The following IL15 variants were observed in gnomAD, a reference collection of about 807,000 sequenced individuals.
IL15 encodes interleukin-15.
IL15 carries 11 observed loss-of-function variants against 19.6 expected under a neutral mutation model. That is an observed-to-expected ratio of 0.56 (90% CI 0.35 to 0.93). The LOEUF (loss-of-function observed/expected upper bound fraction) is 0.93. IL15 is among the 40% of genes least tolerant of loss of function. The pLI is 0.01. For synonymous variants in IL15, 58 were observed against 59.6 expected (o/e 0.97, Z 0.12); for missense variants, 197 against 186.5 (o/e 1.06, Z -0.33).
chr4:141,711,806 T>G lies in IL15; in HGVS notation c.-99-7560T>G, dbSNP rs189600202. On this transcript the variant is annotated intron_variant, in intron 2 of 7. Transcript: ENST00000320650. ...TCTGTGGGTCTTATATTTTCTAAGA[T>G]GTGCTATGAAAGAATGTTTTTGCCC... is the stretch of plus-strand genomic sequence containing the variant. 1.4e-4 allele frequency among the ~76,000 whole-genome samples: 22 copies of G among 152,258 alleles called. No individual in the cohort carries two copies. In the East Asian group the frequency reaches 3.9e-3, roughly 27 times the overall value.
chr4:141,729,107 T>G (rs1488163970), intron 6 of IL15, among the ~76,000 whole-genome samples: 3 of 152,138 alleles, frequency 2.0e-5, no homozygotes, highest in African/African-American at 7.2e-5. Flanking sequence ...GTTTAAGGAA[T>G]ATTACCAGTG....
chr4:141,719,187 C>T, intron 2 of IL15, 179 bp from the exon 3 acceptor site: 1 of 314,968 alleles, frequency 3.2e-6, no homozygotes, highest in South Asian at 1.4e-4. Flanking sequence ...CCTAGAGTAG[C>T]TTACCTAAAT....
chr4:141,646,437 T>TCAGATA (rs1487671100), intron 1 of IL15, among the ~76,000 whole-genome samples: 11 of 152,042 alleles, frequency 7.2e-5, no homozygotes, highest in African/African-American at 2.2e-4. Flanking sequence ...TGCTTTTCTC[T>TCAGATA]CAGATATCAC....
At chr4:141,732,027 TC>T (rs1730469214) in intron 7 of IL15, among the ~76,000 whole-genome samples, 1 of 152,158 alleles carries the variant, frequency 6.6e-6, no homozygotes, top group South Asian at 2.1e-4. Context: ...ACATACTGGC[TC>T]TGACCTTCTG....
At chr4:141,642,596 T>G (rs1199754782) in intron 1 of IL15, among the ~76,000 whole-genome samples, 1 of 152,150 alleles carries the variant, frequency 6.6e-6, no homozygotes. Flanking sequence ...TAAGCTCTAG[T>G]AGGGCTTGGA....
chr4:141,732,662 T>G (rs997108159), intron 7 of IL15, 76 bp from the exon 8 acceptor site: 2 of 1,561,652 alleles, frequency 1.3e-6, no homozygotes, highest in African/African-American at 2.8e-5. Flanking sequence ...TCAAACGATA[T>G]GATATTCCCA....
intron 2 of IL15, among the ~76,000 whole-genome samples, chr4:141,710,917 C>T (rs772108101): frequency 3.3e-5 from 5 of 152,054 alleles, no homozygotes; most frequent in Non-Finnish European, 7.4e-5. Flanking sequence ...TTTTCCTACA[C>T]CATTTCCCCC....
At chr4:141,661,035 T>C (rs145574272) in intron 2 of IL15, among the ~76,000 whole-genome samples, 34 of 152,284 alleles carry the variant, frequency 2.2e-4, no homozygotes, top group Non-Finnish European at 3.4e-4. Context: ...TTATGCCAAA[T>C]GTAATTCTCT....
rs115637495 is a variant in IL15 at position 141,691,526 on chromosome 4, C to T, written c.-99-27840C>T. Among the ~76,000 whole-genome samples the T allele has an allele frequency of 6.1e-3, 922 of 152,228 alleles. 5 individuals carry two copies. The highest frequency in any genetic ancestry group is 9.5e-3 in the Admixed American group (146 of 15,290). Reference sequence around the variant, plus strand: ...AAATCAAAAACAAGTTAGTTATTTCCAAGATAAAATGGGGGTTCAGGCATT... The same window carrying T: ...AAATCAAAAACAAGTTAGTTATTTCTAAGATAAAATGGGGGTTCAGGCATT... On this transcript the variant is annotated intron_variant, in intron 2 of 7. Transcript: ENST00000320650.
chr4:141,663,166 T>C (rs1402898876), intron 2 of IL15, among the ~76,000 whole-genome samples: 1 of 152,210 alleles, frequency 6.6e-6, no homozygotes, highest in Non-Finnish European at 1.5e-5. Context: ...TTTCTATAGA[T>C]GCTGAATATT....
chr4:141,720,774 A>G, intron 4 of IL15: 1 of 583,944 alleles, frequency 1.7e-6, no homozygotes, highest in South Asian at 2.2e-5. Flanking sequence ...AATAGTCCAA[A>G]CAAGCATTAT....
chr4:141,727,793 T>C, intron 5 of IL15, 147 bp from the exon 6 acceptor site: 2 of 591,958 alleles, frequency 3.4e-6, no homozygotes, highest in Admixed American at 3.5e-5. Context: ...GATCTCTCTG[T>C]ATTTACTCTT....
chr4:141,680,633 T>A (rs1728503235), intron 2 of IL15, among the ~76,000 whole-genome samples: 1 of 152,198 alleles, frequency 6.6e-6, no homozygotes, highest in Admixed American at 6.5e-5. Context: ...GCCTTTTGTA[T>A]TTGGCAAGTG....
intron 1 of IL15, among the ~76,000 whole-genome samples, chr4:141,637,377 A>T (rs1357129380): frequency 6.6e-6 from 1 of 152,016 alleles, no homozygotes; most frequent in Non-Finnish European, 1.5e-5. Flanking sequence ...AGAAATTTGC[A>T]GGAATGGTCA....
At chr4:141,644,900 G>A (rs1273815317) in intron 1 of IL15, among the ~76,000 whole-genome samples, 1 of 152,138 alleles carries the variant, frequency 6.6e-6, no homozygotes, top group Non-Finnish European at 1.5e-5. Flanking sequence ...ACATGTTCCG[G>A]ATTAAGGTTT....
intron 2 of IL15, among the ~76,000 whole-genome samples, chr4:141,686,473 T>A (rs561873237): frequency 6.6e-6 from 1 of 152,202 alleles, no homozygotes; most frequent in Non-Finnish European, 1.5e-5. Flanking sequence ...AGACCACATG[T>A]TCAAATCCTG....
chr4:141,721,881 A>G, intron 4 of IL15, 43 bp from the exon 5 acceptor site: 1 of 1,501,802 alleles, frequency 6.7e-7, no homozygotes, highest in Non-Finnish European at 9.1e-7. Flanking sequence ...ATCAAGATGA[A>G]TAGGCTCCTT....
intron 5 of IL15, among the ~76,000 whole-genome samples, chr4:141,722,596 A>G (rs1322456169): frequency 6.6e-6 from 1 of 152,226 alleles, no homozygotes; most frequent in Non-Finnish European, 1.5e-5. Context: ...GTGTCCTAAC[A>G]TAATAGACAT....
intron 2 of IL15, among the ~76,000 whole-genome samples, chr4:141,706,966 CT>C (rs1729536165): frequency 6.6e-6 from 1 of 152,060 alleles, no homozygotes; most frequent in African/African-American, 2.4e-5. Flanking sequence ...CTTGGGAAGC[CT>C]AAAGCTATTA....
Sources: allele counts gnomAD v4.1 joint callset (sites outside exome capture counted in the v4.1 genomes callset), GRCh38; gene constraint gnomAD v4.1.1; transcripts MANE v1.5; gene names NCBI Gene and HGNC (gene_info 2026-07-23, HGNC 2026-07-21).